KSR2: variants seen among roughly 807,000 people sequenced by gnomAD.
The protein encoded by KSR2 is kinase suppressor of ras 2.
A neutral mutation model predicts 107.8 loss-of-function variants in KSR2; 25 were observed. The ratio of observed to expected loss-of-function variants is 0.23; its 90% CI spans 0.17 to 0.32. KSR2 has a LOEUF of 0.32. KSR2 is among the 10% of genes least tolerant of loss of function. The pLI, the probability that KSR2 is intolerant of heterozygous loss-of-function variation, is 1.00. For synonymous variants in KSR2, 480 were observed against 507.0 expected, an observed-to-expected ratio of 0.95 and a Z score of 0.71; for missense variants, 887 against 1,268.9, an observed-to-expected ratio of 0.70 and a Z score of 4.57.
intron 3 of KSR2, among the ~76,000 whole-genome samples, chr12:117,791,595 G>A (rs1890251662): frequency 6.6e-6 from 1 of 152,194 alleles, no homozygotes; most frequent in African/African-American, 2.4e-5. Flanking sequence ...ATGACACTGA[G>A]GGGTTTTCAG....
chr12:117,913,749 C>G (rs560894707), intron 1 of KSR2, among the ~76,000 whole-genome samples: 1 of 152,242 alleles, frequency 6.6e-6, no homozygotes, highest in East Asian at 1.9e-4. Context: ...GGACTTGTGG[C>G]CTCTGGAACT....
intron 3 of KSR2, among the ~76,000 whole-genome samples, chr12:117,851,268 T>C (rs1892912197): frequency 6.6e-6 from 1 of 152,150 alleles, no homozygotes; most frequent in South Asian, 2.1e-4. Context: ...TCAGTGTAGG[T>C]TCAAACCATA....
intron 3 of KSR2, among the ~76,000 whole-genome samples, chr12:117,820,515 T>G (rs895738398): frequency 3.9e-5 from 6 of 152,190 alleles, no homozygotes. Context: ...GATAAATCAC[T>G]AAATCAGATC....
At chr12:117,611,857 C>A (rs1881621494) in intron 5 of KSR2, among the ~76,000 whole-genome samples, 1 of 152,136 alleles carries the variant, frequency 6.6e-6, no homozygotes, top group South Asian at 2.1e-4. Context: ...ACGAAATAAG[C>A]CAGTCACAAA....
intron 12 of KSR2, among the ~76,000 whole-genome samples, chr12:117,527,876 T>C (rs1452934952): frequency 6.6e-6 from 1 of 151,800 alleles, no homozygotes; most frequent in Non-Finnish European, 1.5e-5. Flanking sequence ...GTGTTTGAGG[T>C]AGGTCTTGCC....
At chr12:117,585,960 A>G (rs573615887) in intron 5 of KSR2, among the ~76,000 whole-genome samples, 20 of 152,352 alleles carry the variant, frequency 1.3e-4, no homozygotes, top group African/African-American at 4.8e-4. Flanking sequence ...CCCCTTGCAC[A>G]GGTCTTGCTG....
rs930313186 is a variant in KSR2, at chr12:117,897,178, A to G, written c.181-36747T>C. Among the ~76,000 whole-genome samples, 1 of 152,228 alleles carries G rather than the reference A, an allele frequency of 6.6e-6. No homozygotes were observed. Among genetic ancestry groups the G allele is most frequent in the African/African-American group, 2.4e-5 (1 of 41,462 alleles). On this transcript the variant is annotated intron_variant, in intron 1 of 19. Coordinates refer to ENST00000339824, the MANE Select transcript of KSR2 (RefSeq NM_173598.6). The surrounding 1 kb of genome is among the most constrained non-coding windows in gnomAD (Gnocchi z 4.5). Reference sequence around the variant, plus strand: ...AGGAATTATTGTTTCATTAACATCCAGCTCCCAAGCTGTGACAGATGCCAG... The same window carrying G: ...AGGAATTATTGTTTCATTAACATCCGGCTCCCAAGCTGTGACAGATGCCAG...
chr12:117,699,754 G>T (rs549256619), intron 4 of KSR2, among the ~76,000 whole-genome samples: 2 of 152,256 alleles, frequency 1.3e-5, no homozygotes, highest in South Asian at 2.1e-4. Flanking sequence ...ACTACTGTAG[G>T]ATTCATAAAC....
chr12:117,916,294 G>A (rs1440420133), intron 1 of KSR2, among the ~76,000 whole-genome samples: 1 of 151,520 alleles, frequency 6.6e-6, no homozygotes, highest in Non-Finnish European at 1.5e-5. Context: ...GCACCACCAC[G>A]CCTGGCTAAT....
At chr12:117,947,260 GATAA>G (rs775182838) in intron 1 of KSR2, among the ~76,000 whole-genome samples, 4,672 of 68,728 alleles carry the variant, frequency 0.068, 142 homozygotes, top group Middle Eastern at 0.12. Context: ...AAAGAAAGAA[GATAA>G]ACCACATGAC....
Position 117,842,103 on chromosome 12 carries a change from G to T in KSR2, c.472+13325C>A, listed in dbSNP as rs1425188263. Reference sequence around the variant, plus strand: ...GGAACTTGTTAATGCAGATTTCTGGGCACTGCCCCGGACTGGCTGAAGCAG... The same window carrying T: ...GGAACTTGTTAATGCAGATTTCTGGTCACTGCCCCGGACTGGCTGAAGCAG... On this transcript the variant is annotated intron_variant, in intron 3 of 19. Coordinates refer to ENST00000339824, the MANE Select transcript of KSR2 (RefSeq NM_173598.6). This position sits in a 1 kb window ranked among gnomAD's most constrained non-coding sequence, Gnocchi z 4.2. Among the ~76,000 whole-genome samples the T allele has an allele frequency of 6.6e-6, 1 of 152,274 alleles. No homozygotes were observed. Among genetic ancestry groups the T allele is most frequent in the Non-Finnish European group, 1.5e-5 (1 of 68,058 alleles).
At chr12:117,914,927 G>A (rs930114635) in intron 1 of KSR2, among the ~76,000 whole-genome samples, 10 of 152,276 alleles carry the variant, frequency 6.6e-5, no homozygotes, top group Non-Finnish European at 1.5e-4. Flanking sequence ...AGACTGTAGG[G>A]AGCAGAGCAT....
intron 5 of KSR2, among the ~76,000 whole-genome samples, chr12:117,663,888 G>C (rs1188086950): frequency 6.6e-6 from 1 of 152,156 alleles, no homozygotes; most frequent in Admixed American, 6.5e-5. Flanking sequence ...CACTGGTGAA[G>C]AGCACCTAAG....
chr12:117,850,126 C>T (rs142746297), intron 3 of KSR2, among the ~76,000 whole-genome samples: 495 of 152,332 alleles, frequency 3.2e-3, no homozygotes, highest in Non-Finnish European at 5.2e-3. Flanking sequence ...GAATTCCAAA[C>T]ATGAAGGATA....
chr12:117,478,612 T>G (rs1452109756), intron 16 of KSR2, among the ~76,000 whole-genome samples: 1 of 150,894 alleles, frequency 6.6e-6, no homozygotes, highest in Non-Finnish European at 1.5e-5. Context: ...TTTTATTTTA[T>G]TTTTTTTTAG....
At position 117,761,027 on chromosome 12, in the gene KSR2, C is replaced by A; in HGVS notation, c.970G>T (p.Glu324Ter). The change falls in exon 4 of 20, where the codon GAG becomes TAG. Residue 324 changes from glutamate (E) to a stop codon, truncating the protein, a stop_gained. Transcript: ENST00000339824. LOFTEE classifies it high-confidence loss of function. Reference sequence around the variant, plus strand: ...CGCACTCACTTGGGCGTGTGGGCCTCGTCCACGCGGTGCCCCAGCTGGAAC... The same window carrying A: ...CGCACTCACTTGGGCGTGTGGGCCTAGTCCACGCGGTGCCCCAGCTGGAAC... ...HEFQLGHRVD[E>*]AHTPKAKKKS... 1 of 1,613,688 alleles carries A rather than the reference C, an allele frequency of 6.2e-7. No homozygotes were observed. Among genetic ancestry groups the A allele is most frequent in the Non-Finnish European group, 8.5e-7 (1 of 1,179,726 alleles).
At chr12:117,482,981 A>C (rs1229206151) in intron 16 of KSR2, among the ~76,000 whole-genome samples, 1 of 152,236 alleles carries the variant, frequency 6.6e-6, no homozygotes, top group Non-Finnish European at 1.5e-5. Flanking sequence ...GAAACTGGGA[A>C]GGGTATGAGT....
intron 9 of KSR2, among the ~76,000 whole-genome samples, chr12:117,548,358 C>T (rs1317558370): frequency 6.6e-6 from 1 of 152,154 alleles, no homozygotes; most frequent in Non-Finnish European, 1.5e-5. Context: ...GCCTACTCAA[C>T]ATGAAAACGA....
chr12:117,493,435 T>C (rs1383339180), intron 14 of KSR2, among the ~76,000 whole-genome samples: 1 of 152,172 alleles, frequency 6.6e-6, no homozygotes, highest in Non-Finnish European at 1.5e-5. Context: ...ACTCTCCCTG[T>C]CATTCACGGA....
Sources: allele counts gnomAD v4.1 joint callset (sites outside exome capture counted in the v4.1 genomes callset), GRCh38; gene constraint gnomAD v4.1.1; non-coding constraint Gnocchi (gnomAD v3.1); transcripts MANE v1.5; gene names NCBI Gene and HGNC (gene_info 2026-07-23, HGNC 2026-07-21).